WDR25: variants seen among roughly 807,000 people sequenced by gnomAD.
WDR25 encodes WD repeat domain 25.
Under a neutral mutation model 47.7 loss-of-function variants are expected in WDR25, and 35 were observed. The observed-to-expected ratio is 0.73, with a 90% confidence interval of 0.56 to 0.97. WDR25 has a LOEUF of 0.97. WDR25 is among the 50% of genes least tolerant of loss of function. WDR25 has a pLI of 0.00. For synonymous variants in WDR25, 248 were observed against 278.9 expected (o/e 0.89, Z 1.10); for missense variants, 634 against 704.7 (o/e 0.90, Z 1.14).
intron 2 of WDR25, among the ~76,000 whole-genome samples, chr14:100,438,747 TG>T (rs1407151141): frequency 1.3e-5 from 2 of 152,236 alleles, no homozygotes; most frequent in African/African-American, 4.8e-5. Flanking sequence ...GTGGCTTTCA[TG>T]TTATTTCATT....
At chr14:100,472,549 C>T (rs927105742) in intron 3 of WDR25, among the ~76,000 whole-genome samples, 1 of 152,230 alleles carries the variant, frequency 6.6e-6, no homozygotes, top group Non-Finnish European at 1.5e-5. Context: ...CCCATGAGGC[C>T]CTTGTTCCTG....
At chr14:100,477,785 A>T (rs1900066046) in intron 3 of WDR25, among the ~76,000 whole-genome samples, 1 of 152,186 alleles carries the variant, frequency 6.6e-6, no homozygotes, top group Non-Finnish European at 1.5e-5. Flanking sequence ...TGTGGAGGTT[A>T]TTGCTATTTA....
chr14:100,401,862 G>A (rs565069910), intron 2 of WDR25, among the ~76,000 whole-genome samples: 5 of 152,288 alleles, frequency 3.3e-5, no homozygotes, highest in African/African-American at 1.2e-4. Context: ...TTTCTCTGTG[G>A]AATTTGAGGG....
intron 2 of WDR25, among the ~76,000 whole-genome samples, chr14:100,465,794 C>T (rs1037277852): frequency 6.6e-6 from 1 of 152,212 alleles, no homozygotes; most frequent in Non-Finnish European, 1.5e-5. Flanking sequence ...CTGTTTTTCA[C>T]AGTGGCTGCA....
chr14:100,516,174 A>G (rs1421544687), intron 4 of WDR25, among the ~76,000 whole-genome samples: 1 of 152,074 alleles, frequency 6.6e-6, no homozygotes, highest in African/African-American at 2.4e-5. Context: ...GATTTTTCAG[A>G]GGCTTGCTGT....
intron 2 of WDR25, among the ~76,000 whole-genome samples, chr14:100,393,216 C>T (rs1434927776): frequency 6.6e-6 from 1 of 152,248 alleles, no homozygotes; most frequent in African/African-American, 2.4e-5. Context: ...TCTCTCCCTA[C>T]TCACAGTGTA....
chr14:100,508,357 C>A (rs1216701464), intron 4 of WDR25, among the ~76,000 whole-genome samples: 3 of 152,154 alleles, frequency 2.0e-5, no homozygotes, highest in Non-Finnish European at 2.9e-5. Context: ...CCCTTGAGAA[C>A]TGGAATAAGA....
chr14:100,418,082 C>T (rs1458010722), intron 2 of WDR25, among the ~76,000 whole-genome samples: 1 of 151,842 alleles, frequency 6.6e-6, no homozygotes, highest in Non-Finnish European at 1.5e-5. Context: ...GCTGGGATTA[C>T]AGGCACCAAC....
intron 2 of WDR25, among the ~76,000 whole-genome samples, chr14:100,423,747 T>C (rs991531640): frequency 6.6e-6 from 1 of 152,088 alleles, no homozygotes; most frequent in African/African-American, 2.4e-5. Context: ...TCCTAAGGGG[T>C]GTTTGGATTC....
At chr14:100,384,733 G>A (rs920906512) in intron 2 of WDR25, among the ~76,000 whole-genome samples, 1 of 152,140 alleles carries the variant, frequency 6.6e-6, no homozygotes, top group African/African-American at 2.4e-5. Flanking sequence ...TCAAAGAGGC[G>A]GGTGCAGCAG....
chr14:100,472,526 T>C (rs1305601561), intron 3 of WDR25, among the ~76,000 whole-genome samples: 1 of 152,238 alleles, frequency 6.6e-6, no homozygotes, highest in African/African-American at 2.4e-5. Context: ...ACTCCTCTCC[T>C]CCTCCGTCAT....
Position 100,529,963 on chromosome 14 carries a change from C to T in WDR25, c.1557C>T (p.Val519=), listed in dbSNP as rs377744110. The T allele has an allele frequency of 6.0e-5, 97 of 1,613,358 alleles. No homozygotes were observed. The highest frequency in any genetic ancestry group is 1.7e-4 in the African/African-American group (13 of 74,930). ...TGCAGGGGCACACACAGGCCTGTGTCGGCACCACCTATCACCCCGTGCTGC... is the reference window on the plus strand; with the variant it reads ...TGCAGGGGCACACACAGGCCTGTGTTGGCACCACCTATCACCCCGTGCTGC... ...CTLQGHTQAC[V]GTTYHPVLPS... is the part of the protein sequence containing the mutation. The change falls in exon 7 of 7, where the codon GTC becomes GTT. Residue 519 remains valine, a synonymous_variant. Coordinates refer to ENST00000402312, the MANE Select transcript of WDR25 (RefSeq NM_001161476.3). The surrounding 1 kb of genome is among the most constrained non-coding windows in gnomAD (Gnocchi z 5.1).
chr14:100,479,052 G>A lies in WDR25; in HGVS notation c.971-4942G>A, dbSNP rs117363930. Among the ~76,000 whole-genome samples the A allele has an allele frequency of 6.1e-3, 925 of 152,114 alleles. 8 individuals carry two copies. Among genetic ancestry groups the A allele is most frequent in the Non-Finnish European group, 8.1e-3 (549 of 68,010 alleles). On this transcript the variant is annotated intron_variant, in intron 3 of 6. Coordinates refer to ENST00000402312, the MANE Select transcript of WDR25 (RefSeq NM_001161476.3). ...GCAGTTGTCCTTGTGGGGAGAAAGA[G>A]TTTGGCAGTCCTGGGCCTTCTCGGT...
At position 100,404,158 on chromosome 14, in the gene WDR25, A is replaced by T. The variant is rs556654333; in HGVS notation, c.822+22412A>T. Among the ~76,000 whole-genome samples, 1 of 152,294 alleles carries T rather than the reference A, an allele frequency of 6.6e-6. No individual in the cohort carries two copies. Among genetic ancestry groups the T allele is most frequent in the South Asian group, 2.1e-4 (1 of 4,834 alleles). On this transcript the variant is annotated intron_variant, in intron 2 of 6. Transcript: ENST00000402312. The surrounding 1 kb of genome is among the most constrained non-coding windows in gnomAD (Gnocchi z 4.6). ...CAGTGCTGGGCCCCATACGCACATG[A>T]TTGGTCCCCCTGAAACCTCTGAGGT...
intron 1 of WDR25, among the ~76,000 whole-genome samples, chr14:100,377,969 T>G (rs1195765974): frequency 6.6e-6 from 1 of 151,812 alleles, no homozygotes; most frequent in African/African-American, 2.4e-5. Context: ...TGCACTGGGT[T>G]TTCTTGGAAG....
chr14:100,480,998 C>G, intron 3 of WDR25: 1 of 433,090 alleles, frequency 2.3e-6, no homozygotes, highest in Non-Finnish European at 4.6e-6. Context: ...CAAGGAAGAG[C>G]CCAAGAGGAG....
chr14:100,464,980 C>T (rs1250727753), intron 2 of WDR25, among the ~76,000 whole-genome samples: 2 of 151,620 alleles, frequency 1.3e-5, no homozygotes, highest in East Asian at 1.9e-4. Flanking sequence ...CTCATCTCCC[C>T]TGCCTTATCT....
chr14:100,483,979 CTT>C lies in WDR25; in HGVS notation c.971-11_971-10del, dbSNP rs1900293874. On this transcript the variant is annotated splice_polypyrimidine_tract_variant and intron_variant, in intron 3 of 6. Transcript: ENST00000402312. The stretch of plus-strand genomic sequence containing the variant: ...TAAGTACTTTCTAACCCTCTCTTCT[CTT>C]TTTGTGTTGTAGGAACCCAGCTATT... 26 of 1,602,262 alleles carry C rather than the reference CTT, an allele frequency of 1.6e-5. No homozygotes were observed. Among genetic ancestry groups the C allele is most frequent in the Non-Finnish European group, 2.0e-5 (24 of 1,176,218 alleles).
chr14:100,473,194 C>T (rs543489560), intron 3 of WDR25, among the ~76,000 whole-genome samples: 3 of 152,270 alleles, frequency 2.0e-5, no homozygotes, highest in South Asian at 2.1e-4. Flanking sequence ...GGTTCCAGCA[C>T]GCTGCCTGGC....
Sources: allele counts gnomAD v4.1 joint callset (sites outside exome capture counted in the v4.1 genomes callset), GRCh38; gene constraint gnomAD v4.1.1; non-coding constraint Gnocchi (gnomAD v3.1); transcripts MANE v1.5; gene names NCBI Gene and HGNC (gene_info 2026-07-23, HGNC 2026-07-21).